Variants in BOC observed in about 807,000 individuals in gnomAD.
BOC encodes BOC cell adhesion associated, oncogene regulated.
A neutral mutation model predicts 112.0 loss-of-function variants in BOC; 76 were observed. The ratio of observed to expected loss-of-function variants is 0.68; its 90% confidence interval spans 0.56 to 0.82. BOC has a LOEUF of 0.82. Among genes scored for constraint, BOC ranks in the 40% least tolerant of loss-of-function variants. The pLI is 0.00. For synonymous variants in BOC, 580 were observed against 599.8 expected (o/e 0.97, Z 0.48); for missense variants, 1,309 against 1,511.7 (o/e 0.87, Z 2.22).
chr3:113,279,348 C>T lies in BOC; in HGVS notation c.1916C>T (p.Ser639Phe). 6.2e-7 allele frequency: 1 copy of T among 1,614,184 alleles called. No individual in the cohort carries two copies. The highest frequency in any genetic ancestry group is 8.5e-7 in the Non-Finnish European group (1 of 1,180,036). ...GGGAATGGTGGGTTCCCAATCCAGT[C>T]CTTCCGTGTGGAGTACAAGAAGCTA... ...PRGNGGFPIQ[S>F]FRVEYKKLKK... The change falls in exon 12 of 20, where the codon TCC becomes TTC. Residue 639 changes from serine to phenylalanine, a missense_variant. Transcript: ENST00000682979.
At chr3:113,246,715 T>G (rs1268217290) in intron 2 of BOC, among the ~76,000 whole-genome samples, 1 of 152,148 alleles carries the variant, frequency 6.6e-6, no homozygotes, top group Non-Finnish European at 1.5e-5. Context: ...AGTTCTGCTT[T>G]TACATGAATG....
chr3:113,280,883 T>A, intron 14 of BOC, 148 bp from the exon 15 acceptor site: 1 of 1,125,588 alleles, frequency 8.9e-7, no homozygotes, highest in Non-Finnish European at 1.3e-6. Context: ...CCTAGAACAT[T>A]TCCTCCAGCG....
At chr3:113,279,227 C>T (rs1203282046) in intron 11 of BOC, 22 bp from the exon 12 acceptor site, 1 of 1,607,772 alleles carries the variant, frequency 6.2e-7, no homozygotes, top group Non-Finnish European at 8.5e-7. Flanking sequence ...CTTCCTTCCT[C>T]ACTGGATACG....
At position 113,278,531 on chromosome 3, in the gene BOC, A is replaced by T; in HGVS notation, c.1706-142A>T. The T allele has an allele frequency of 1.2e-6, 1 of 802,428 alleles. No individual in the cohort carries two copies. The highest frequency in any genetic ancestry group is 2.0e-6 in the Non-Finnish European group (1 of 495,990). 49.7% of individuals were successfully genotyped at this position (802,428 alleles called of 1,614,324 possible). On this transcript the variant is annotated intron_variant, in intron 10 of 19. Transcript: ENST00000682979. The surrounding 1 kb of genome is among the most constrained non-coding windows in gnomAD (Gnocchi z 4.2). Reference sequence around the variant, plus strand: ...ACAGAACCAGTCTCGGCCGAGGCTGAGCCCACACCCTCAGTGCCCCGGATG... The same window carrying T: ...ACAGAACCAGTCTCGGCCGAGGCTGTGCCCACACCCTCAGTGCCCCGGATG...
chr3:113,242,626 TA>T (rs1207614440), intron 2 of BOC, among the ~76,000 whole-genome samples: 1 of 152,070 alleles, frequency 6.6e-6, no homozygotes, highest in Non-Finnish European at 1.5e-5. Context: ...CACTTTGTTA[TA>T]AATTCTGGGT....
intron 4 of BOC, 141 bp from the exon 5 acceptor site, chr3:113,268,158 A>C (rs1947712532): frequency 7.6e-7 from 1 of 1,311,028 alleles, no homozygotes; most frequent in Non-Finnish European, 1.0e-6. Context: ...AAGGGGCTGG[A>C]GGAAGAACTC....
chr3:113,214,741 A>G (rs940983343), intron 1 of BOC, among the ~76,000 whole-genome samples: 4 of 152,268 alleles, frequency 2.6e-5, no homozygotes, highest in Admixed American at 2.6e-4. Flanking sequence ...TTCCATTTAG[A>G]AAAATCTATT....
intron 4 of BOC, among the ~76,000 whole-genome samples, chr3:113,252,765 C>G (rs574787425): frequency 6.6e-6 from 1 of 152,158 alleles, no homozygotes; most frequent in African/African-American, 2.4e-5. Context: ...CACAGTGGAG[C>G]CACTCCTCTT....
At chr3:113,271,572 C>A (rs1948126619) in intron 6 of BOC, 1 of 202,648 alleles carries the variant, frequency 4.9e-6, no homozygotes, top group African/African-American at 2.3e-5. Flanking sequence ...AGTTAAACTT[C>A]CATCGTCTTT....
At chr3:113,212,906 T>G (rs1399055493) in intron 1 of BOC, among the ~76,000 whole-genome samples, 2 of 152,216 alleles carry the variant, frequency 1.3e-5, no homozygotes, top group Non-Finnish European at 2.9e-5. Flanking sequence ...AAGGGCCTGC[T>G]TGACTTTCAG....
intron 16 of BOC, 110 bp from the exon 17 acceptor site, chr3:113,284,225 C>T (rs948765596): frequency 1.1e-5 from 10 of 871,592 alleles, no homozygotes; most frequent in East Asian, 4.9e-5. Flanking sequence ...TCCCTGCCTA[C>T]GTCCTTCAAC....
chr3:113,277,992 CT>C (rs1948823525), intron 9 of BOC, 102 bp from the exon 10 acceptor site: 1 of 1,447,590 alleles, frequency 6.9e-7, no homozygotes, highest in Non-Finnish European at 9.5e-7. Flanking sequence ...CGTCCTTCCC[CT>C]TCTCCTGCCC....
At chr3:113,242,068 A>T (rs2107822646) in intron 2 of BOC, among the ~76,000 whole-genome samples, 1 of 151,948 alleles carries the variant, frequency 6.6e-6, no homozygotes, top group East Asian at 1.9e-4. Flanking sequence ...AATAAAGCAG[A>T]TGGAATTCGT....
Position 113,285,531 on chromosome 3 carries a change from C to G in BOC, c.3126C>G (p.Val1042=), listed in dbSNP as rs1184595428. Residue 1042 remains valine, a synonymous_variant, in exon 19 of 20, where the codon GTC becomes GTG. Coordinates refer to ENST00000682979, the MANE Select transcript of BOC (RefSeq NM_001378074.1). The part of the protein sequence containing the change: ...SGVRRAPDSP[V]LEAVWDPPFH... ...TGAGGAGAGCCCCCGACAGTCCTGTCCTGGAAGCAGTGTGGGACCCTCCAT... is the reference window on the plus strand; with the variant it reads ...TGAGGAGAGCCCCCGACAGTCCTGTGCTGGAAGCAGTGTGGGACCCTCCAT... 1.2e-6 allele frequency: 2 copies of G among 1,607,658 alleles called. No individual in the cohort carries two copies. The highest frequency in any genetic ancestry group is 2.2e-5 in the East Asian group (1 of 44,860).
At position 113,273,072 on chromosome 3, in the gene BOC, C is replaced by T; in HGVS notation, c.965C>T (p.Pro322Leu). Residue 322 changes from proline to leucine, a missense_variant, in exon 8 of 20, where the codon CCC becomes CTC. Physicochemically the swap from Pro to Leu is moderately conservative, Grantham distance 98 (BLOSUM62 -3). Coordinates refer to ENST00000682979, the MANE Select transcript of BOC (RefSeq NM_001378074.1). ...CCCTGCTCTGGTTTCCTGGCAGAAC[C>T]CCCTGAGGTCACCATGGAGCTATCC... ...VILYNVQVFE[P>L]PEVTMELSQL... is the part of the protein sequence containing the mutation. 6.3e-7 allele frequency: 1 copy of T among 1,598,452 alleles called. No homozygotes were observed. Among genetic ancestry groups the T allele is most frequent in the Non-Finnish European group, 8.6e-7 (1 of 1,167,508 alleles).
In BOC at chr3:113,273,087, TG is replaced by T. The variant is rs774152338; in HGVS notation, c.982del (p.Glu328SerfsTer30). ...CTGGCAGAACCCCCTGAGGTCACCATGGAGCTATCCCAGCTGGTCATCCCCT... is the reference window on the plus strand; with the variant it reads ...CTGGCAGAACCCCCTGAGGTCACCATGAGCTATCCCAGCTGGTCATCCCCT... ...VQVFEPPEVT[M>X]ELSQLVIPWG... On this transcript the variant is annotated frameshift_variant, in exon 8 of 20. Coordinates refer to ENST00000682979, the MANE Select transcript of BOC (RefSeq NM_001378074.1). LOFTEE classifies it high-confidence loss of function. 1.2e-6 allele frequency: 2 copies of T among 1,605,666 alleles called. No individual in the cohort carries two copies. Among genetic ancestry groups the T allele is most frequent in the Non-Finnish European group, 1.7e-6 (2 of 1,173,268 alleles).
At chr3:113,240,747 G>A (rs773781978) in intron 2 of BOC, among the ~76,000 whole-genome samples, 36 of 152,124 alleles carry the variant, frequency 2.4e-4, no homozygotes, top group Non-Finnish European at 5.0e-4. Flanking sequence ...TATTTTTGCT[G>A]CAAAGATGGG....
chr3:113,218,071 C>T (rs1939815092), intron 2 of BOC, among the ~76,000 whole-genome samples: 1 of 152,154 alleles, frequency 6.6e-6, no homozygotes, highest in Admixed American at 6.5e-5. Context: ...GTGAAAGTTG[C>T]CGGGCTCTCA....
At chr3:113,248,662 G>C (rs1945236835) in intron 2 of BOC, among the ~76,000 whole-genome samples, 1 of 152,130 alleles carries the variant, frequency 6.6e-6, no homozygotes, top group African/African-American at 2.4e-5. Flanking sequence ...TCTTTGTTTT[G>C]GCTGTGACAG....
Sources: allele counts gnomAD v4.1 joint callset (sites outside exome capture counted in the v4.1 genomes callset), GRCh38; gene constraint gnomAD v4.1.1; non-coding constraint Gnocchi (gnomAD v3.1); transcripts MANE v1.5; gene names NCBI Gene and HGNC (gene_info 2026-07-23, HGNC 2026-07-21).